DPYD: variants seen among roughly 807,000 people sequenced by gnomAD.
DPYD encodes the protein dihydropyrimidine dehydrogenase.
In DPYD, 109 loss-of-function variants were observed where a neutral mutation model predicts 116.2. That is an observed-to-expected ratio of 0.94 (90% CI 0.80 to 1.10). The LOEUF is 1.10. DPYD is among the 50% of genes least tolerant of loss of function. DPYD has a pLI of 0.00. For synonymous variants in DPYD, 440 were observed against 432.0 expected, an observed-to-expected ratio of 1.02 and a Z score of -0.23; for missense variants, 1,302 against 1,254.5, an observed-to-expected ratio of 1.04 and a Z score of -0.57.
At chr1:97,157,118 G>A (rs960182053) in intron 20 of DPYD, among the ~76,000 whole-genome samples, 1 of 131,566 alleles carries the variant, frequency 7.6e-6, no homozygotes, top group African/African-American at 2.9e-5. Context: ...GGACTGTTGT[G>A]GGGTGGGGGG....
At chr1:97,173,417 T>C (rs946856115) in intron 20 of DPYD, among the ~76,000 whole-genome samples, 11 of 150,282 alleles carry the variant, frequency 7.3e-5, no homozygotes, top group Admixed American at 4.0e-4. Flanking sequence ...CGTACGTACA[T>C]ATATGTGTGT....
chr1:97,797,913 A>T (rs1282324128), intron 3 of DPYD: 2 of 152,106 alleles, frequency 1.3e-5, no homozygotes, highest in Non-Finnish European at 1.5e-5. Context: ...TTCTTTCTAC[A>T]TGCAAGGCAA....
chr1:97,658,511 T>C (rs1407395489), intron 8 of DPYD, among the ~76,000 whole-genome samples: 1 of 152,158 alleles, frequency 6.6e-6, no homozygotes, highest in African/African-American at 2.4e-5. Context: ...TTACTAGTGG[T>C]TTATTTTTTA....
chr1:97,181,672 C>A (rs369611738), intron 20 of DPYD, among the ~76,000 whole-genome samples: 7 of 152,082 alleles, frequency 4.6e-5, no homozygotes, highest in African/African-American at 1.7e-4. Flanking sequence ...CTGCACAAAG[C>A]AGAGAAGGAA....
intron 12 of DPYD, among the ~76,000 whole-genome samples, chr1:97,548,019 A>G (rs952470177): frequency 4.6e-5 from 7 of 152,186 alleles, no homozygotes; most frequent in Non-Finnish European, 1.0e-4. Flanking sequence ...AAGGACAACT[A>G]GAATAGACAA....
intron 3 of DPYD, among the ~76,000 whole-genome samples, chr1:97,792,267 T>C (rs918768638): frequency 1.3e-5 from 2 of 151,942 alleles, no homozygotes; most frequent in Non-Finnish European, 2.9e-5. Flanking sequence ...TGAGCTTTTA[T>C]TTTTTTATTT....
At position 97,323,364 on chromosome 1, in the gene DPYD, ATG is replaced by A. The variant is rs1358541514; in HGVS notation, c.2059-17069_2059-17068del. 3.5e-4 allele frequency among the ~76,000 whole-genome samples: 43 copies of A among 121,420 alleles called. 6 individuals are homozygous for A. Among genetic ancestry groups the A allele is most frequent in the African/African-American group, 1.1e-3 (33 of 30,532 alleles). The allele number at this position is 121,420 out of a possible 152,430, so 79.7% of individuals were successfully genotyped here. On this transcript the variant is annotated intron_variant, in intron 16 of 22. Transcript: ENST00000370192. ...TATATACATGTGTATATGTACACGT[ATG>A]TATACATGTGTATATGTACACGTAT...
chr1:97,428,031 C>A (rs914838775), intron 14 of DPYD, among the ~76,000 whole-genome samples: 3 of 152,092 alleles, frequency 2.0e-5, no homozygotes, highest in African/African-American at 7.2e-5. Context: ...AAAGCTTTTT[C>A]TTCTACTATT....
intron 18 of DPYD, among the ~76,000 whole-genome samples, chr1:97,287,670 G>C (rs534926372): frequency 6.6e-6 from 1 of 152,230 alleles, no homozygotes; most frequent in Admixed American, 6.5e-5. Flanking sequence ...CCGCCTTGCA[G>C]TTTGATCTCA....
At chr1:97,086,045 G>T (rs181490469) in intron 21 of DPYD, among the ~76,000 whole-genome samples, 8 of 151,836 alleles carry the variant, frequency 5.3e-5, no homozygotes, top group Admixed American at 5.3e-4. Flanking sequence ...AAAAGTTGTC[G>T]TTGTTTTGTT....
intron 16 of DPYD, among the ~76,000 whole-genome samples, chr1:97,371,929 T>G (rs767163007): frequency 6.6e-6 from 1 of 152,206 alleles, no homozygotes; most frequent in South Asian, 2.1e-4. Context: ...TAATGATATC[T>G]CTGATTGCAA....
chr1:97,284,148 C>T (rs114678795), intron 18 of DPYD, among the ~76,000 whole-genome samples: 13 of 152,150 alleles, frequency 8.5e-5, no homozygotes, highest in East Asian at 1.9e-4. Context: ...TAGAATGATA[C>T]GTCACTTCTT....
intron 18 of DPYD, among the ~76,000 whole-genome samples, chr1:97,241,214 C>A (rs1465626014): frequency 6.6e-6 from 1 of 151,888 alleles, no homozygotes; most frequent in Non-Finnish European, 1.5e-5. Context: ...ATGTGTCAGG[C>A]ATTTATTTTT....
chr1:97,443,088 A>G (rs574752566), intron 14 of DPYD, among the ~76,000 whole-genome samples: 8 of 152,294 alleles, frequency 5.3e-5, no homozygotes, highest in Admixed American at 2.0e-4. Context: ...AGATGTTGAG[A>G]TTCAAATCTG....
intron 1 of DPYD, chr1:97,883,749 A>C: frequency 2.7e-6 from 1 of 371,802 alleles, no homozygotes; most frequent in Non-Finnish European, 5.1e-6. Flanking sequence ...GTCTGGTAGC[A>C]TTTTTAGGAA....
chr1:97,833,683 G>A (rs912183648), intron 2 of DPYD, among the ~76,000 whole-genome samples: 1 of 152,024 alleles, frequency 6.6e-6, no homozygotes, highest in Non-Finnish European at 1.5e-5. Context: ...CAGCAACGAC[G>A]TTTTCAATAA....
At chr1:97,548,966 T>C (rs1475562058) in intron 12 of DPYD, among the ~76,000 whole-genome samples, 1 of 152,132 alleles carries the variant, frequency 6.6e-6, no homozygotes, top group Non-Finnish European at 1.5e-5. Flanking sequence ...ATTTGATAAG[T>C]GTATGATCTA....
At chr1:97,607,255 G>A (rs1349641073) in intron 8 of DPYD, among the ~76,000 whole-genome samples, 1 of 151,838 alleles carries the variant, frequency 6.6e-6, no homozygotes. Flanking sequence ...AAATGGCAAG[G>A]TCAAAGCTGA....
At chr1:97,143,247 G>A (rs1017050672) in intron 20 of DPYD, among the ~76,000 whole-genome samples, 1 of 152,066 alleles carries the variant, frequency 6.6e-6, no homozygotes, top group African/African-American at 2.4e-5. Flanking sequence ...GGAACAAGGT[G>A]TGTTTTGGAA....
Sources: allele counts gnomAD v4.1 joint callset (sites outside exome capture counted in the v4.1 genomes callset), GRCh38; gene constraint gnomAD v4.1.1; transcripts MANE v1.5; gene names NCBI Gene and HGNC (gene_info 2026-07-23, HGNC 2026-07-21).